The following BPIFB2 variants were observed in gnomAD, a reference collection of about 807,000 sequenced individuals.
The protein encoded by BPIFB2 is BPI fold-containing family B member 2.
A neutral mutation model predicts 50.1 loss-of-function variants in BPIFB2; 39 were observed. The observed-to-expected ratio is 0.78, with a 90% CI of 0.60 to 1.02. The LOEUF is 1.02. BPIFB2 is among the 50% of genes least tolerant of loss of function. BPIFB2 has a pLI of 0.00. For synonymous variants in BPIFB2, 280 were observed against 256.3 expected (o/e 1.09, Z -0.88); for missense variants, 574 against 585.8 (o/e 0.98, Z 0.21).
chr20:33,020,283 C>G (rs896808451), intron 11 of BPIFB2, 45 bp from the exon 12 acceptor site: 2 of 1,591,422 alleles, frequency 1.3e-6, no homozygotes, highest in Non-Finnish European at 1.7e-6. Flanking sequence ...TGGTGCCCCC[C>G]TCATGGCTCT....
At position 33,013,884 on chromosome 20, in the gene BPIFB2, G is replaced by A; in HGVS notation, c.383G>A (p.Arg128Lys). The change falls in exon 5 of 16, where the codon AGG becomes AAG. Residue 128 changes from arginine to lysine, a missense_variant. Physicochemically the swap from Arg to Lys is conservative, Grantham distance 26. Transcript: ENST00000170150. ...ADTRVTQSSI[R>K]TPVVSISACS... The stretch of plus-strand genomic sequence containing the variant: ...ACCCGCGTGACCCAGAGCTCCATCA[G>A]GACCCCTGTGGTCAGCATCTCTGCC... 6.2e-7 allele frequency: 1 copy of A among 1,614,016 alleles called. No individual in the cohort carries two copies. Among genetic ancestry groups the A allele is most frequent in the Non-Finnish European group, 8.5e-7 (1 of 1,179,948 alleles).
rs1281836251 is a variant in BPIFB2, at chr20:33,013,906, T to A, written c.405T>A (p.Ser135=). Residue 135 remains serine, a synonymous_variant, in exon 5 of 16, where the codon TCT becomes TCA. Transcript: ENST00000170150. ...TCAGGACCCCTGTGGTCAGCATCTCTGCCTGCTCTTTATTCTCGGGCCACG... is the reference window on the plus strand; with the variant it reads ...TCAGGACCCCTGTGGTCAGCATCTCAGCCTGCTCTTTATTCTCGGGCCACG... ...SSIRTPVVSI[S]ACSLFSGHAN... The A allele has an allele frequency of 1.9e-6, 3 of 1,613,964 alleles. No homozygotes were observed. Among genetic ancestry groups the A allele is most frequent in the African/African-American group, 2.7e-5 (2 of 74,948 alleles).
At position 33,018,639 on chromosome 20, in the gene BPIFB2, T is replaced by C. The variant is rs765978934; in HGVS notation, c.672T>C (p.Ala224=). The C allele has an allele frequency of 3.7e-6, 6 of 1,610,730 alleles. No individual in the cohort carries two copies. Among genetic ancestry groups the C allele is most frequent in the Non-Finnish European group, 8.5e-7 (1 of 1,178,368 alleles). ...TSDYISLEVN[A]VLFLLGKPII... is the part of the protein sequence containing the mutation. ...ACTTCCCCCTCCCACCCCTACAGGC[T>C]GTTCTCTTCCTGCTGGGCAAGCCCA... The change falls in exon 9 of 16, where the codon GCT becomes GCC. Residue 224 remains alanine, a splice_region_variant and synonymous_variant. Coordinates refer to ENST00000170150, the MANE Select transcript of BPIFB2 (RefSeq NM_025227.3).
chr20:33,023,510 T>C lies in BPIFB2; in HGVS notation c.*127T>C. ...TCACCAACAAGCTGGACTGCTTAGC[T>C]GGGCTGTTTTATCTTCCCTGAGTGC... On this transcript the variant is annotated 3_prime_UTR_variant, in exon 16 of 16. Coordinates refer to ENST00000170150, the MANE Select transcript of BPIFB2 (RefSeq NM_025227.3). 1 of 1,152,624 alleles carries C rather than the reference T, an allele frequency of 8.7e-7. No homozygotes were observed. The highest frequency in any genetic ancestry group is 1.3e-6 in the Non-Finnish European group (1 of 785,134). The allele number at this position is 1,152,624 out of a possible 1,614,324, so 71.4% of individuals were successfully genotyped here.
At chr20:33,020,884 T>A (rs1313448055) in intron 13 of BPIFB2, among the ~76,000 whole-genome samples, 1 of 152,134 alleles carries the variant, frequency 6.6e-6, no homozygotes, top group African/African-American at 2.4e-5. Flanking sequence ...CCACCATACA[T>A]CCACTTGTCA....
At chr20:33,008,100 C>A (rs1568975022) in intron 1 of BPIFB2, among the ~76,000 whole-genome samples, 1 of 152,170 alleles carries the variant, frequency 6.6e-6, no homozygotes, top group Non-Finnish European at 1.5e-5. Context: ...TGGGTCCTCC[C>A]CTGGCTGAAT....
chr20:33,014,732 A>T (rs1216174400), intron 5 of BPIFB2, among the ~76,000 whole-genome samples: 1 of 152,342 alleles, frequency 6.6e-6, no homozygotes, highest in East Asian at 1.9e-4. Context: ...TTCTCCCCAG[A>T]GAGGGATGTG....
chr20:33,013,680 C>G, intron 4 of BPIFB2, 130 bp from the exon 5 acceptor site: 1 of 1,347,936 alleles, frequency 7.4e-7, no homozygotes, highest in South Asian at 1.4e-5. Context: ...CCATCTCACT[C>G]TGGGAGTGGG....
Position 33,021,493 on chromosome 20 carries a change from C to T in BPIFB2, c.1258+149C>T, listed in dbSNP as rs1978670396. 5.2e-6 allele frequency: 5 copies of T among 960,522 alleles called. No individual in the cohort carries two copies. In the Admixed American group the frequency reaches 6.5e-5, roughly 12 times the overall value. 59.5% of individuals were successfully genotyped at this position (960,522 alleles called of 1,614,324 possible). ...AGTCTAGCAGCCCATGTGTGCATGCCCCTTGGCACATATCTGTGTAGCAGC... is the reference window on the plus strand; with the variant it reads ...AGTCTAGCAGCCCATGTGTGCATGCTCCTTGGCACATATCTGTGTAGCAGC... On this transcript the variant is annotated intron_variant, in intron 14 of 15. Coordinates refer to ENST00000170150, the MANE Select transcript of BPIFB2 (RefSeq NM_025227.3).
rs1978616497 is a variant in BPIFB2, at chr20:33,020,363, G to T, written c.1116G>T (p.Lys372Asn). Residue 372 changes from lysine (K) to asparagine (N), a missense_variant, in exon 12 of 16, where the codon AAG (lysine) becomes AAT (asparagine). Physicochemically the swap from Lys to Asn is moderately conservative, Grantham distance 94 (BLOSUM62 0). Transcript: ENST00000170150. ...VNLRLQLSVS[K>N]VKLQGTTSVL... ...TGAGACTCCAGCTCTCTGTGTCCAA[G>T]GTGAAGCTTCAGGGGACCACGTCTG... 2 of 1,614,144 alleles carry T rather than the reference G, an allele frequency of 1.2e-6. No homozygotes were observed. Among genetic ancestry groups the T allele is most frequent in the Non-Finnish European group, 1.7e-6 (2 of 1,180,012 alleles).
At chr20:33,008,518 C>T (rs752445459) in intron 1 of BPIFB2, 23 bp from the exon 2 acceptor site, 6 of 1,456,812 alleles carry the variant, frequency 4.1e-6, no homozygotes, top group Non-Finnish European at 5.6e-6. Flanking sequence ...GGCTGAGCTC[C>T]CTGATGCTCA....
chr20:33,011,004 A>G lies in BPIFB2; in HGVS notation c.110-20A>G, dbSNP rs754203240. The G allele has an allele frequency of 1.2e-6, 2 of 1,610,290 alleles. No individual in the cohort carries two copies. Among genetic ancestry groups the G allele is most frequent in the Non-Finnish European group, 8.5e-7 (1 of 1,176,794 alleles). ...TGGTTCCCGAGGGCACCCTGACCTCACTCTACCCTGGCCCCACAGTGTCTG... is the reference window on the plus strand; with the variant it reads ...TGGTTCCCGAGGGCACCCTGACCTCGCTCTACCCTGGCCCCACAGTGTCTG... On this transcript the variant is annotated intron_variant, in intron 2 of 15. Transcript: ENST00000170150.
chr20:33,021,870 C>T, intron 15 of BPIFB2, 71 bp downstream of exon 15: 1 of 1,454,616 alleles, frequency 6.9e-7, no homozygotes, highest in Non-Finnish European at 9.7e-7. Flanking sequence ...GGGGTCACCT[C>T]TCTCCCTCCC....
At chr20:33,008,737 T>G in intron 2 of BPIFB2, 54 bp downstream of exon 2, 1 of 1,417,652 alleles carries the variant, frequency 7.1e-7, no homozygotes, top group Non-Finnish European at 9.6e-7. Context: ...GCGTGTGCAA[T>G]CCTAAGTGTG....
intron 10 of BPIFB2, 142 bp downstream of exon 10, chr20:33,019,257 G>A (rs1978561370): frequency 1.9e-6 from 2 of 1,060,098 alleles, no homozygotes; most frequent in South Asian, 1.4e-5. Context: ...CCATCTTGGG[G>A]AGGCTCTAAC....
chr20:33,019,556 C>A, intron 10 of BPIFB2, 24 bp from the exon 11 acceptor site: 1 of 1,559,640 alleles, frequency 6.4e-7, no homozygotes. Flanking sequence ...CTCAGCAGGG[C>A]CTCCTCCGCC....
Position 33,018,972 on chromosome 20 carries a change from A to G in BPIFB2, c.856-90A>G, listed in dbSNP as rs1429312253. 10 of 1,586,574 alleles carry G rather than the reference A, an allele frequency of 6.3e-6. No homozygotes were observed. In the East Asian group the frequency reaches 2.0e-4, roughly 32 times the overall value. ...CTGTTGGAAGGGTTAAACGGGGGCTATGGGGAGCGATTGCTCAGGGGGAAA... is the reference window on the plus strand; with the variant it reads ...CTGTTGGAAGGGTTAAACGGGGGCTGTGGGGAGCGATTGCTCAGGGGGAAA... On this transcript the variant is annotated intron_variant, in intron 9 of 15. Coordinates refer to ENST00000170150, the MANE Select transcript of BPIFB2 (RefSeq NM_025227.3).
chr20:33,012,963 T>C, intron 4 of BPIFB2, 56 bp downstream of exon 4: 2 of 1,456,546 alleles, frequency 1.4e-6, no homozygotes, highest in Non-Finnish European at 1.9e-6. Context: ...CTCCGAGGGA[T>C]ACAGTGAGGG....
At position 33,020,535 on chromosome 20, in the gene BPIFB2, C is replaced by T. The variant is rs376783032; in HGVS notation, c.1149-7C>T. On this transcript the variant is annotated splice_region_variant and splice_polypyrimidine_tract_variant and intron_variant, in intron 12 of 15. Transcript: ENST00000170150. The stretch of plus-strand genomic sequence containing the variant: ...CCCTGTCCTGAATTCTCCTGCTTCT[C>T]TTTCAGGGATGTCCAGCTCACGGTG... The T allele has an allele frequency of 6.2e-6, 10 of 1,607,326 alleles. No individual in the cohort carries two copies. The highest frequency in any genetic ancestry group is 1.7e-4 in the Middle Eastern group (1 of 6,048).
Sources: gnomAD v4.1 joint callset for allele counts (sites outside exome capture counted in the v4.1 genomes callset) on GRCh38, gnomAD v4.1.1 for gene constraint, MANE v1.5 for transcripts, NCBI Gene and HGNC (gene_info 2026-07-23, HGNC 2026-07-21) for gene names.